Variants in CCT8 observed in about 807,000 individuals in gnomAD.
CCT8 encodes T-complex protein 1 subunit theta.
A neutral mutation model predicts 65.7 loss-of-function variants in CCT8; 10 were observed. That is an observed-to-expected ratio of 0.15 (90% CI 0.09 to 0.26). The LOEUF (loss-of-function observed/expected upper bound fraction) is 0.26. Among genes scored for constraint, CCT8 ranks in the 10% least tolerant of loss-of-function variants. CCT8 has a pLI of 1.00. For missense variants in CCT8, 568 were observed against 669.1 expected (o/e 0.85, Z 1.67); for synonymous variants, 199 against 221.8 (o/e 0.90, Z 0.92).
chr21:29,064,947 T>C (rs527960785), intron 7 of CCT8, 21 bp downstream of exon 7: 16 of 1,609,234 alleles, frequency 9.9e-6, no homozygotes, highest in East Asian at 2.2e-5. Flanking sequence ...TTATTACTTT[T>C]AAGGTTTGAA....
At chr21:29,073,403 A>G (rs2085705847) in intron 1 of CCT8, 128 bp downstream of exon 1, 1 of 1,513,338 alleles carries the variant, frequency 6.6e-7, no homozygotes, top group Non-Finnish European at 8.9e-7. Flanking sequence ...CCTTTCTGGA[A>G]TCTTCTCTTC....
intron 14 of CCT8, 44 bp from the exon 15 acceptor site, chr21:29,056,596 CCTTTAGAATGAAAAGAATG>C: frequency 8.1e-7 from 1 of 1,237,618 alleles, no homozygotes; most frequent in Non-Finnish European, 1.1e-6. Flanking sequence ...ATCAACTTAA[CCTTTAGAATGAAAAGAATG>C]CTTCTATTAG....
intron 1 of CCT8, chr21:29,073,159 G>A: frequency 1.6e-6 from 1 of 613,536 alleles, no homozygotes; most frequent in Non-Finnish European, 2.1e-6. Flanking sequence ...CGACGTCGCA[G>A]TTCTCAAGAC....
intron 1 of CCT8, among the ~76,000 whole-genome samples, chr21:29,072,792 C>T (rs2085696509): frequency 6.6e-6 from 1 of 152,190 alleles, no homozygotes; most frequent in Admixed American, 6.5e-5. Context: ...TAAAACTATG[C>T]TACCGAACTA....
intron 8 of CCT8, 135 bp downstream of exon 8, chr21:29,063,216 TA>T: frequency 1.5e-6 from 1 of 662,412 alleles, no homozygotes; most frequent in Non-Finnish European, 2.5e-6. Context: ...CTCCCCAAAC[TA>T]AATCCTTCTG....
chr21:29,072,312 T>C, intron 1 of CCT8: 1 of 196,408 alleles, frequency 5.1e-6, no homozygotes, highest in Non-Finnish European at 1.0e-5. Context: ...ACATAAACTC[T>C]ACGACAAATG....
intron 8 of CCT8, chr21:29,062,834 A>C (rs1050724817): frequency 6.5e-6 from 3 of 461,384 alleles, no homozygotes; most frequent in Non-Finnish European, 1.2e-5. Flanking sequence ...TTAGGATGTC[A>C]GTGGTTTATA....
At chr21:29,060,704 G>A in intron 13 of CCT8, 44 bp from the exon 14 acceptor site, 1 of 1,607,000 alleles carries the variant, frequency 6.2e-7, no homozygotes, top group East Asian at 2.2e-5. Flanking sequence ...ATCCTTTTAT[G>A]TGAAAATGTT....
chr21:29,067,565 T>A lies in CCT8; in HGVS notation c.372A>T (p.Ser124=), dbSNP rs766702000. Residue 124 remains serine, a synonymous_variant, in exon 4 of 15, where the codon TCA becomes TCT. Coordinates refer to ENST00000286788, the MANE Select transcript of CCT8 (RefSeq NM_006585.4). ...LAEELLRIGL[S]VSEVIEGYEI... ...ATAAATGAACACTTGCCTCTGAAAC[T>A]GACAGGCCAATCCTCAGAAGTTCTT... 2.7e-6 allele frequency: 4 copies of A among 1,464,804 alleles called. No homozygotes were observed. Among genetic ancestry groups the A allele is most frequent in the Non-Finnish European group, 3.6e-6 (4 of 1,113,976 alleles). 90.7% of individuals were successfully genotyped at this position (1,464,804 alleles called of 1,614,324 possible).
intron 8 of CCT8, 48 bp downstream of exon 8, chr21:29,063,304 A>G (rs533308190): frequency 1.3e-6 from 2 of 1,509,376 alleles, no homozygotes; most frequent in African/African-American, 2.8e-5. Context: ...TTCACCACCA[A>G]AAAACCATTT....
chr21:29,067,797 TGTA>T, intron 3 of CCT8, 92 bp from the exon 4 acceptor site: 1 of 940,302 alleles, frequency 1.1e-6, no homozygotes, highest in Non-Finnish European at 1.5e-6. Context: ...TCAATTTTCT[TGTA>T]GATTAGGTAA....
In CCT8 at chr21:29,062,024, C is replaced by G. The variant is rs1037225413; in HGVS notation, c.1212+104G>C. 1.6e-5 allele frequency: 12 copies of G among 752,362 alleles called. No homozygotes were observed. In the East Asian group the frequency reaches 3.0e-4, roughly 19 times the overall value. 46.6% of individuals were successfully genotyped at this position (752,362 alleles called of 1,614,324 possible). On this transcript the variant is annotated intron_variant, in intron 11 of 14. Coordinates refer to ENST00000286788, the MANE Select transcript of CCT8 (RefSeq NM_006585.4). ...GGTGCTTCATTTCATATAAACCACT[C>G]ATTCTGAAGTTCTCATGATGTGCAA... is the stretch of plus-strand genomic sequence containing the variant.
intron 14 of CCT8, 104 bp from the exon 15 acceptor site, chr21:29,056,656 A>G (rs914779065): frequency 4.9e-6 from 3 of 616,396 alleles, no homozygotes; most frequent in South Asian, 8.5e-5. Flanking sequence ...TCTTCTTGGT[A>G]TAATTATGTA....
intron 7 of CCT8, 54 bp downstream of exon 7, chr21:29,064,914 A>T: frequency 1.3e-6 from 2 of 1,539,194 alleles, no homozygotes; most frequent in Non-Finnish European, 8.9e-7. Flanking sequence ...GCTAACTCAA[A>T]CAATCTGAAA....
chr21:29,066,168 GATAAT>G (rs2085620319), intron 6 of CCT8, among the ~76,000 whole-genome samples: 1 of 151,748 alleles, frequency 6.6e-6, no homozygotes, highest in Non-Finnish European at 1.5e-5. Flanking sequence ...TTTATAAGGA[GATAAT>G]ATGTCAATAT....
intron 8 of CCT8, 72 bp downstream of exon 8, chr21:29,063,279 AT>A: frequency 8.7e-7 from 1 of 1,153,826 alleles, no homozygotes. Flanking sequence ...TTCATGGTCT[AT>A]TTCGTTTAGT....
At chr21:29,063,655 A>G (rs2085588733) in intron 7 of CCT8, 125 bp from the exon 8 acceptor site, 7 of 832,394 alleles carry the variant, frequency 8.4e-6, no homozygotes, top group South Asian at 6.9e-5. Context: ...ATGTGCATAT[A>G]TTATGAAGCA....
At chr21:29,067,903 G>A (rs2085641440) in intron 3 of CCT8, among the ~76,000 whole-genome samples, 198 bp from the exon 4 acceptor site, 1 of 152,212 alleles carries the variant, frequency 6.6e-6, no homozygotes, top group Admixed American at 6.5e-5. Context: ...CAGCACAAAT[G>A]TATCACTATA....
rs770508893 is a variant in CCT8 at position 29,070,300 on chromosome 21, A to G, written c.98T>C (p.Ile33Thr). 6.2e-6 allele frequency: 10 copies of G among 1,612,358 alleles called. No homozygotes were observed. Among genetic ancestry groups the G allele is most frequent in the Non-Finnish European group, 8.5e-6 (10 of 1,179,108 alleles). Residue 33 changes from isoleucine to threonine, a missense_variant, in exon 2 of 15, where the codon ATA (isoleucine) becomes ACA (threonine). By Grantham distance (89) the Ile-to-Thr change is moderately conservative (BLOSUM62 -1). Coordinates refer to ENST00000286788, the MANE Select transcript of CCT8 (RefSeq NM_006585.4). ...TTGGGCAAGCTCCTTGCAAGCTTGTATGTTTCTATACACAGCCTCTTCTAA... is the reference window on the plus strand; with the variant it reads ...TTGGGCAAGCTCCTTGCAAGCTTGTGTGTTTCTATACACAGCCTCTTCTAA... ...SGLEEAVYRN[I>T]QACKELAQTT...
Sources: gnomAD v4.1 joint callset for allele counts (sites outside exome capture counted in the v4.1 genomes callset) on GRCh38, gnomAD v4.1.1 for gene constraint, MANE v1.5 for transcripts, NCBI Gene and HGNC (gene_info 2026-07-23, HGNC 2026-07-21) for gene names.